FGGY: variants seen among roughly 807,000 people sequenced by gnomAD.
The protein encoded by FGGY is FGGY carbohydrate kinase domain-containing protein.
In FGGY, 72 loss-of-function variants were observed where a neutral mutation model predicts 71.3. The ratio of observed to expected loss-of-function variants is 1.01; its 90% CI spans 0.84 to 1.23. The LOEUF is 1.23. Among genes scored for constraint, FGGY ranks in the 50% most tolerant of loss-of-function variants. The pLI is 0.00. For synonymous variants in FGGY, 251 were observed against 250.3 expected (o/e 1.00, Z -0.02); for missense variants, 668 against 682.3 (o/e 0.98, Z 0.23).
intron 5 of FGGY, among the ~76,000 whole-genome samples, chr1:59,412,970 C>T (rs1300887012): frequency 2.0e-5 from 3 of 152,252 alleles, no homozygotes. Context: ...CAAGAGCCCT[C>T]ATTTTCTGTT....
At chr1:59,692,150 T>G (rs1051746778) in intron 14 of FGGY, among the ~76,000 whole-genome samples, 13 of 152,196 alleles carry the variant, frequency 8.5e-5, no homozygotes, top group African/African-American at 3.1e-4. Flanking sequence ...AAGAACAGGT[T>G]CAATGGAAGG....
intron 8 of FGGY, among the ~76,000 whole-genome samples, chr1:59,605,292 A>C (rs2096613390): frequency 6.6e-6 from 1 of 152,220 alleles, no homozygotes; most frequent in South Asian, 2.1e-4. Flanking sequence ...CAGTTGCCCC[A>C]GTTTGGCTGA....
chr1:59,573,324 A>G (rs1170910671), intron 8 of FGGY, among the ~76,000 whole-genome samples: 2 of 152,300 alleles, frequency 1.3e-5, no homozygotes, highest in South Asian at 2.1e-4. Context: ...TTATGGATAT[A>G]TAAGAGAATA....
rs11207463 is a variant in FGGY at position 59,512,376 on chromosome 1, C to G, written c.736C>G (p.Leu246Val). ...GCTCACACCAGAGGCAGCAAGAGAC[C>G]TTGGCCTTCTCCCTGGGATTGCGGT... is the stretch of plus-strand genomic sequence containing the variant. Reference protein sequence around the residue: ...NGLTPEAARDLGLLPGIAVAA... With the variant: ...NGLTPEAARDVGLLPGIAVAA... Residue 246 changes from leucine to valine, a missense_variant, in exon 7 of 16, where the codon CTT (leucine) becomes GTT (valine). Around this residue, in one of 2 missense-constraint regions of FGGY, gnomAD observed 661 missense variants for 661.6 expected, o/e 1.00. Coordinates refer to ENST00000303721, the MANE Select transcript of FGGY (RefSeq NM_018291.5). The G allele has an allele frequency of 2.2e-3, 3,570 of 1,613,796 alleles. 84 individuals are homozygous for G. The African/African-American group carries it at 0.043, about 20-fold the overall frequency.
At chr1:59,578,417 A>G (rs1474326022) in intron 8 of FGGY, among the ~76,000 whole-genome samples, 1 of 151,986 alleles carries the variant, frequency 6.6e-6, no homozygotes, top group Non-Finnish European at 1.5e-5. Context: ...CCCTGTATGG[A>G]GGAACCCCAA....
intron 5 of FGGY, among the ~76,000 whole-genome samples, chr1:59,398,810 T>G (rs977987555): frequency 2.0e-5 from 3 of 152,218 alleles, no homozygotes; most frequent in Non-Finnish European, 4.4e-5. Flanking sequence ...TGGTCATGTC[T>G]TTGCAAAATA....
intron 7 of FGGY, among the ~76,000 whole-genome samples, chr1:59,545,869 G>A (rs1486934841): frequency 1.3e-5 from 2 of 152,182 alleles, no homozygotes; most frequent in Non-Finnish European, 2.9e-5. Context: ...GAAATAAGCA[G>A]ATTTTGGTTT....
intron 14 of FGGY, among the ~76,000 whole-genome samples, chr1:59,709,271 G>A (rs1376448537): frequency 1.3e-5 from 2 of 152,192 alleles, no homozygotes; most frequent in Non-Finnish European, 2.9e-5. Flanking sequence ...TCACAAGACA[G>A]CAGGAAAAAG....
intron 1 of FGGY, among the ~76,000 whole-genome samples, chr1:59,311,909 T>A (rs186074989): frequency 4.1e-4 from 63 of 152,346 alleles, no homozygotes; most frequent in African/African-American, 1.4e-3. Context: ...CTTGCCAGCA[T>A]CTATTGTTTC....
At chr1:59,347,590 A>T (rs1363736522) in intron 4 of FGGY, among the ~76,000 whole-genome samples, 1 of 152,148 alleles carries the variant, frequency 6.6e-6, no homozygotes, top group African/African-American at 2.4e-5. Context: ...GTAGCATGGT[A>T]CTGGTACCAA....
intron 8 of FGGY, among the ~76,000 whole-genome samples, chr1:59,585,139 T>C (rs1177998208): frequency 1.3e-5 from 2 of 152,124 alleles, no homozygotes; most frequent in African/African-American, 4.8e-5. Flanking sequence ...AAGCTACCAA[T>C]GACTTTCTTC....
At chr1:59,317,685 C>G (rs964893813) in intron 1 of FGGY, among the ~76,000 whole-genome samples, 2 of 152,126 alleles carry the variant, frequency 1.3e-5, no homozygotes, top group Non-Finnish European at 2.9e-5. Context: ...TGCCCAAGGG[C>G]TTGAACATCC....
intron 5 of FGGY, among the ~76,000 whole-genome samples, chr1:59,384,971 A>C (rs957744862): frequency 3.3e-5 from 5 of 152,152 alleles, no homozygotes; most frequent in Admixed American, 2.0e-4. Context: ...TGGCTCTTAC[A>C]TGTGATTATT....
intron 14 of FGGY, among the ~76,000 whole-genome samples, chr1:59,699,607 A>G (rs531254289): frequency 6.6e-6 from 1 of 152,350 alleles, no homozygotes; most frequent in Non-Finnish European, 1.5e-5. Context: ...TCCAATATGC[A>G]AACAAAAAAA....
At chr1:59,660,948 G>A (rs1389294274) in intron 12 of FGGY, among the ~76,000 whole-genome samples, 6 of 152,210 alleles carry the variant, frequency 3.9e-5, no homozygotes, top group African/African-American at 1.4e-4. Context: ...TTGTGTGTGT[G>A]CATATATTAC....
At chr1:59,498,870 T>A (rs1339711489) in intron 6 of FGGY, among the ~76,000 whole-genome samples, 3 of 152,216 alleles carry the variant, frequency 2.0e-5, no homozygotes, top group Non-Finnish European at 4.4e-5. Context: ...CTTGGCAAAT[T>A]CCACTCCTCC....
intron 6 of FGGY, among the ~76,000 whole-genome samples, chr1:59,491,049 T>TCTTTCTCTCCCTCCCTCCCTCCCTCCCTC (rs2093826778): frequency 6.2e-4 from 1 of 1,618 alleles, no homozygotes; most frequent in Non-Finnish European, 9.7e-4. Context: ...CTTCCTTCCT[T>TCTTTCTCTCCCTCCCTCCCTCCCTCCCTC]CCTTCCTTCC....
At chr1:59,687,559 T>C (rs2097554171) in intron 14 of FGGY, among the ~76,000 whole-genome samples, 1 of 151,722 alleles carries the variant, frequency 6.6e-6, no homozygotes, top group African/African-American at 2.4e-5. Flanking sequence ...CTCTGCCTCC[T>C]GGGTTCACGC....
intron 5 of FGGY, among the ~76,000 whole-genome samples, chr1:59,420,832 C>T (rs1228245476): frequency 6.6e-6 from 1 of 150,912 alleles, no homozygotes; most frequent in African/African-American, 2.4e-5. Context: ...TGGGTGATCC[C>T]AGTAATCACA....
Sources: allele counts gnomAD v4.1 joint callset (sites outside exome capture counted in the v4.1 genomes callset), GRCh38; gene constraint gnomAD v4.1.1; regional missense constraint gnomAD v4.1.1; transcripts MANE v1.5; gene names NCBI Gene and HGNC (gene_info 2026-07-23, HGNC 2026-07-21).